Variants in OPCML observed in about 807,000 individuals in gnomAD.
The protein encoded by OPCML is opioid-binding protein/cell adhesion molecule.
Under a neutral mutation model 37.8 loss-of-function variants are expected in OPCML, and 13 were observed. That is an observed-to-expected ratio of 0.34 (90% CI 0.22 to 0.55). The LOEUF is 0.55. Among genes scored for constraint, OPCML ranks in the 20% least tolerant of loss-of-function variants. The pLI is 0.91. For synonymous variants in OPCML, 176 were observed against 168.8 expected, an observed-to-expected ratio of 1.04 and a Z score of -0.33; for missense variants, 341 against 435.6, an observed-to-expected ratio of 0.78 and a Z score of 1.93.
At chr11:133,337,788 C>T (rs532137696) in intron 1 of OPCML, among the ~76,000 whole-genome samples, 16 of 152,200 alleles carry the variant, frequency 1.1e-4, no homozygotes, top group Admixed American at 1.3e-4. Context: ...CTTAAAATTG[C>T]TATAGAATTT....
intron 2 of OPCML, among the ~76,000 whole-genome samples, chr11:132,879,999 C>A (rs754061723): frequency 6.6e-6 from 1 of 152,184 alleles, no homozygotes; most frequent in African/African-American, 2.4e-5. Flanking sequence ...CTTCCCCCAG[C>A]CCCAGAGGTG....
At chr11:132,953,854 T>C (rs866677712) in intron 1 of OPCML, among the ~76,000 whole-genome samples, 2 of 152,160 alleles carry the variant, frequency 1.3e-5, no homozygotes, top group South Asian at 4.1e-4. Flanking sequence ...ACAACATTTT[T>C]TTATTTAAAG....
chr11:133,499,787 T>TATTTTTTTTTTTTTTTGAA (rs1555167614), intron 1 of OPCML, among the ~76,000 whole-genome samples: 1 of 141,516 alleles, frequency 7.1e-6, no homozygotes, highest in African/African-American at 2.7e-5. Flanking sequence ...TATATATATA[T>TATTTTTTTTTTTTTTTGAA]ACACATATAT....
At chr11:132,529,032 T>C (rs1010130155) in intron 4 of OPCML, 29 bp downstream of exon 4, 1 of 1,468,506 alleles carries the variant, frequency 6.8e-7, no homozygotes. Flanking sequence ...ATACTACCTC[T>C]GAAAACGTCC....
At chr11:133,077,178 C>G (rs570511188) in intron 1 of OPCML, among the ~76,000 whole-genome samples, 49 of 151,920 alleles carry the variant, frequency 3.2e-4, no homozygotes, top group Non-Finnish European at 6.0e-4. Flanking sequence ...ATTTAGAACT[C>G]AACCCTGCCT....
intron 1 of OPCML, among the ~76,000 whole-genome samples, chr11:133,370,326 A>G (rs369012082): frequency 5.9e-5 from 9 of 152,328 alleles, no homozygotes; most frequent in African/African-American, 2.2e-4. Flanking sequence ...ATTGTTTATC[A>G]AGCAGCCACC....
chr11:132,428,676 A>G (rs2095985995), intron 7 of OPCML, among the ~76,000 whole-genome samples: 1 of 152,210 alleles, frequency 6.6e-6, no homozygotes, highest in African/African-American at 2.4e-5. Context: ...ACCTAGGTAC[A>G]AAACCTGCTG....
chr11:133,432,532 T>C (rs149121743), intron 1 of OPCML, among the ~76,000 whole-genome samples: 2 of 152,224 alleles, frequency 1.3e-5, no homozygotes, highest in Non-Finnish European at 2.9e-5. Context: ...CGAGCCACCA[T>C]GCCCAGTTTT....
At chr11:133,176,213 G>A (rs1209947070) in intron 1 of OPCML, among the ~76,000 whole-genome samples, 1 of 152,162 alleles carries the variant, frequency 6.6e-6, no homozygotes, top group Non-Finnish European at 1.5e-5. Context: ...TTTTAGGCTG[G>A]TGTAAGCAAG....
chr11:133,471,631 CAA>C (rs1565652895), intron 1 of OPCML, among the ~76,000 whole-genome samples: 2 of 151,872 alleles, frequency 1.3e-5, no homozygotes, highest in Admixed American at 6.6e-5. Context: ...TTAAAAAAAA[CAA>C]GAGTAAAAAA....
intron 2 of OPCML, among the ~76,000 whole-genome samples, chr11:132,839,201 C>A (rs906218653): frequency 2.0e-5 from 3 of 152,152 alleles, no homozygotes; most frequent in African/African-American, 4.8e-5. Flanking sequence ...CAGAAAAAAA[C>A]AGACCTAGCA....
chr11:132,455,224 C>A (rs959650853), intron 4 of OPCML, among the ~76,000 whole-genome samples: 1 of 152,200 alleles, frequency 6.6e-6, no homozygotes, highest in Non-Finnish European at 1.5e-5. Flanking sequence ...CTTTACTTTG[C>A]AAATGATCAC....
chr11:132,913,611 C>G (rs529743973), intron 2 of OPCML, among the ~76,000 whole-genome samples: 21 of 152,246 alleles, frequency 1.4e-4, no homozygotes, highest in Admixed American at 3.3e-4. Context: ...GACTCTCAGT[C>G]CAGTATAGTG....
At chr11:132,454,726 C>T (rs1056555553) in intron 4 of OPCML, among the ~76,000 whole-genome samples, 1 of 152,172 alleles carries the variant, frequency 6.6e-6, no homozygotes, top group African/African-American at 2.4e-5. Context: ...TCCAATCTAG[C>T]CTACTCTATG....
intron 1 of OPCML, among the ~76,000 whole-genome samples, chr11:133,020,051 AG>A (rs1177722609): frequency 6.6e-6 from 1 of 152,192 alleles, no homozygotes. Context: ...ATTCACCTCC[AG>A]GGGCGGATGC....
intron 1 of OPCML, among the ~76,000 whole-genome samples, chr11:133,354,524 C>T (rs1388688268): frequency 6.6e-6 from 1 of 152,104 alleles, no homozygotes; most frequent in African/African-American, 2.4e-5. Flanking sequence ...GGTAATATTT[C>T]AATCCAAGTG....
chr11:133,466,469 G>A (rs1352740192), intron 1 of OPCML, among the ~76,000 whole-genome samples: 2 of 152,180 alleles, frequency 1.3e-5, no homozygotes, highest in African/African-American at 4.8e-5. Flanking sequence ...TTCTTAAGGA[G>A]ATGGCCAGTG....
At chr11:132,963,189 T>C (rs1039798127) in intron 1 of OPCML, among the ~76,000 whole-genome samples, 4 of 152,100 alleles carry the variant, frequency 2.6e-5, no homozygotes, top group Non-Finnish European at 4.4e-5. Context: ...TTTTGTAATG[T>C]GTGTTAACGC....
chr11:133,130,448 A>G (rs1949585922), intron 1 of OPCML, among the ~76,000 whole-genome samples: 2 of 152,162 alleles, frequency 1.3e-5, no homozygotes, highest in African/African-American at 4.8e-5. Flanking sequence ...ATACTTAGAT[A>G]TAAATCTAAC....
Sources: gnomAD v4.1 joint callset for allele counts (sites outside exome capture counted in the v4.1 genomes callset) on GRCh38, gnomAD v4.1.1 for gene constraint, MANE v1.5 for transcripts, NCBI Gene and HGNC (gene_info 2026-07-23, HGNC 2026-07-21) for gene names.